Variants in CLVS1 observed in about 807,000 individuals in gnomAD.
CLVS1 encodes the protein clavesin 1.
In CLVS1, 10 loss-of-function variants were observed where a neutral mutation model predicts 33.1. That is an observed-to-expected ratio of 0.30 (90% CI 0.19 to 0.51). The LOEUF (loss-of-function observed/expected upper bound fraction) is 0.51, where lower values mean the gene tolerates loss of function less well. Ranked by LOEUF, CLVS1 falls within the 20% of genes least tolerant of loss-of-function variation. The pLI, the probability that CLVS1 is intolerant of heterozygous loss-of-function variation, is 0.97. For synonymous variants in CLVS1, 163 were observed against 166.1 expected, an observed-to-expected ratio of 0.98 and a Z score of 0.14; for missense variants, 343 against 433.4, an observed-to-expected ratio of 0.79 and a Z score of 1.85.
chr8:61,304,458 A>G (rs1420660265), intron 2 of CLVS1, among the ~76,000 whole-genome samples: 1 of 152,238 alleles, frequency 6.6e-6, no homozygotes, highest in Non-Finnish European at 1.5e-5. Flanking sequence ...AACCAAAACC[A>G]GATGGATTCA....
intron 1 of CLVS1, among the ~76,000 whole-genome samples, chr8:61,069,855 A>T (rs1229198652): frequency 6.6e-6 from 1 of 151,830 alleles, no homozygotes; most frequent in African/African-American, 2.4e-5. Flanking sequence ...CAGTGGCGCG[A>T]TCTTGGCTTA....
intron 1 of CLVS1, among the ~76,000 whole-genome samples, chr8:61,058,573 G>A (rs1247317097): frequency 6.6e-6 from 1 of 152,210 alleles, no homozygotes; most frequent in East Asian, 1.9e-4. Context: ...CACCACAAAT[G>A]TGGAAAGTGT....
intron 1 of CLVS1, among the ~76,000 whole-genome samples, chr8:61,289,604 C>T (rs751658631): frequency 1.3e-5 from 2 of 152,264 alleles, no homozygotes; most frequent in Non-Finnish European, 2.9e-5. Flanking sequence ...TAATAGGTCA[C>T]ACATGATAAG....
intron 1 of CLVS1, among the ~76,000 whole-genome samples, chr8:61,080,867 C>G: frequency 6.6e-6 from 1 of 152,022 alleles, no homozygotes; most frequent in East Asian, 1.9e-4. Context: ...CAAGAGTTAG[C>G]GCTTGGCTGT....
the CLVS1 span, among the ~76,000 whole-genome samples, chr8:61,046,795 G>A: frequency 1.1e-3 from 161 of 151,620 alleles, 1 homozygote; most frequent in Middle Eastern, 3.4e-3. Flanking sequence ...CTGTTTGTCT[G>A]TTATTGGTGT....
chr8:61,400,561 A>C (rs1475071450), intron 3 of CLVS1, among the ~76,000 whole-genome samples: 1 of 152,170 alleles, frequency 6.6e-6, no homozygotes, highest in African/African-American at 2.4e-5. Context: ...CTGAACTTTC[A>C]ATTCAATGTT....
chr8:61,444,370 A>G (rs1342845374), intron 3 of CLVS1, among the ~76,000 whole-genome samples: 2 of 152,174 alleles, frequency 1.3e-5, no homozygotes, highest in Non-Finnish European at 2.9e-5. Flanking sequence ...GGTTTTTGGC[A>G]GATGTTTTAA....
upstream of CLVS1, among the ~76,000 whole-genome samples, chr8:61,055,031 A>G (rs1804452219): frequency 6.6e-6 from 1 of 152,180 alleles, no homozygotes. Flanking sequence ...CCCTTTCATT[A>G]TCTAACTGTG....
intron 2 of CLVS1, among the ~76,000 whole-genome samples, chr8:61,172,267 T>A (rs916966791): frequency 6.6e-6 from 1 of 152,162 alleles, no homozygotes; most frequent in African/African-American, 2.4e-5. Flanking sequence ...GAGGATATTG[T>A]TATTCAGCCA....
At chr8:61,044,138 A>G in the CLVS1 span, among the ~76,000 whole-genome samples, 1 of 152,178 alleles carries the variant, frequency 6.6e-6, no homozygotes, top group East Asian at 1.9e-4. Context: ...TTTAGACTAT[A>G]TGATCCAGCA....
chr8:60,989,595 A>G, the CLVS1 span, among the ~76,000 whole-genome samples: 1 of 152,274 alleles, frequency 6.6e-6, no homozygotes, highest in African/African-American at 2.4e-5. Flanking sequence ...GGGGGCTACT[A>G]TCTTGTGCCA....
At position 61,128,454 on chromosome 8, in the gene CLVS1, G is replaced by T. The variant is rs1806019721; in HGVS notation, c.-242-3316G>T. Among the ~76,000 whole-genome samples the T allele has an allele frequency of 2.0e-5, 3 of 152,238 alleles. No homozygotes were observed. In the South Asian group the frequency reaches 6.2e-4, roughly 32 times the overall value. Reference sequence around the variant, plus strand: ...TCTGGAATTTTTTTCTCCATGTGTAGGGTTCCTTTCTTTACATCTTTTTCT... The same window carrying T: ...TCTGGAATTTTTTTCTCCATGTGTATGGTTCCTTTCTTTACATCTTTTTCT... On this transcript the variant is annotated intron_variant, in intron 1 of 2. Transcript: ENST00000522621.
At chr8:61,191,313 C>CA (rs1414329146) in intron 2 of CLVS1, among the ~76,000 whole-genome samples, 2 of 152,094 alleles carry the variant, frequency 1.3e-5, no homozygotes, top group African/African-American at 4.8e-5. Context: ...AGGCCTTTGA[C>CA]AAAATTCAAC....
chr8:61,322,523 C>A (rs921045625), intron 2 of CLVS1, among the ~76,000 whole-genome samples: 1 of 152,112 alleles, frequency 6.6e-6, no homozygotes, highest in Non-Finnish European at 1.5e-5. Context: ...AAGTAGTAAA[C>A]CTTAGGGACT....
At position 61,300,124 on chromosome 8, in the gene CLVS1, G is replaced by C. The variant is rs1191060880; in HGVS notation, c.297G>C (p.Gln99His). The part of the protein sequence containing the change: ...DAFRLLAQYF[Q>H]YRQLNLDMFK... ...TTAGACTCCTGGCTCAGTATTTCCA[G>C]TACCGCCAGCTAAACCTGGACATGT... The change falls in exon 2 of 6, where the codon CAG becomes CAC. Residue 99 changes from glutamine (Q) to histidine (H), a missense_variant. By Grantham distance (24) the Gln-to-His change is conservative. Transcript: ENST00000325897. 1 of 1,613,882 alleles carries C rather than the reference G, an allele frequency of 6.2e-7. No individual in the cohort carries two copies. Among genetic ancestry groups the C allele is most frequent in the East Asian group, 2.2e-5 (1 of 44,898 alleles).
chr8:61,299,976 A>T lies in CLVS1; in HGVS notation c.149A>T (p.His50Leu). 1 of 1,614,064 alleles carries T rather than the reference A, an allele frequency of 6.2e-7. No homozygotes were observed. Among genetic ancestry groups the T allele is most frequent in the Non-Finnish European group, 8.5e-7 (1 of 1,179,958 alleles). Residue 50 changes from histidine (H) to leucine (L), a missense_variant, in exon 2 of 6, where the codon CAT becomes CTT. This residue lies in a region of CLVS1 where 88 missense variants were observed against 77.3 expected (regional missense o/e 1.14). Coordinates refer to ENST00000325897, the MANE Select transcript of CLVS1 (RefSeq NM_173519.3). ...LELNENPDVL[H>L]QDIQQVRDMI... The stretch of plus-strand genomic sequence containing the variant: ...CTGAATGAAAACCCCGATGTTTTAC[A>T]TCAGGATATTCAGCAAGTCAGGGAC...
chr8:61,464,324 T>C (rs933018890), intron 5 of CLVS1, among the ~76,000 whole-genome samples: 1 of 152,190 alleles, frequency 6.6e-6, no homozygotes, highest in African/African-American at 2.4e-5. Flanking sequence ...ATGAATATTA[T>C]TAGCTCCAAA....
At chr8:61,292,018 C>T (rs369472485) in intron 1 of CLVS1, 1 of 216,746 alleles carries the variant, frequency 4.6e-6, no homozygotes. Flanking sequence ...TTCAGTAGGT[C>T]TAAGTGAGTC....
chr8:61,138,674 G>A (rs1253436443), intron 2 of CLVS1, among the ~76,000 whole-genome samples: 1 of 152,024 alleles, frequency 6.6e-6, no homozygotes, highest in African/African-American at 2.4e-5. Context: ...GGAGTCCAGC[G>A]CTGGCAGTGG....
Sources: gnomAD v4.1 joint callset for allele counts (sites outside exome capture counted in the v4.1 genomes callset) on GRCh38, gnomAD v4.1.1 for gene constraint, gnomAD v4.1.1 regional missense constraint, MANE v1.5 for transcripts, NCBI Gene and HGNC (gene_info 2026-07-23, HGNC 2026-07-21) for gene names.